The following GRIP1 variants were observed in gnomAD, a reference collection of about 807,000 sequenced individuals.
GRIP1 encodes glutamate receptor-interacting protein 1.
GRIP1 carries 45 observed loss-of-function variants against 129.9 expected under a neutral mutation model. That is an observed-to-expected ratio of 0.35 (90% CI 0.27 to 0.44). The LOEUF is 0.44. GRIP1 is among the 20% of genes least tolerant of loss of function. The probability of loss-of-function intolerance (pLI) is 1.00; values close to 1 mark genes in which losing one functional copy is unlikely to be tolerated. For synonymous variants in GRIP1, 530 were observed against 520.8 expected, an observed-to-expected ratio of 1.02 and a Z score of -0.24; for missense variants, 1,196 against 1,396.8, an observed-to-expected ratio of 0.86 and a Z score of 2.29.
upstream of GRIP1, among the ~76,000 whole-genome samples, chr12:66,679,784 A>G (rs1031753441): frequency 6.6e-6 from 1 of 152,218 alleles, no homozygotes; most frequent in African/African-American, 2.4e-5. Flanking sequence ...AATATACTTT[A>G]TTATACTATT....
chr12:66,883,143 T>G (rs1410480659), intron 1 of GRIP1, among the ~76,000 whole-genome samples: 1 of 152,120 alleles, frequency 6.6e-6, no homozygotes, highest in Non-Finnish European at 1.5e-5. Context: ...CAACTACCAG[T>G]TAATGTCTCT....
Position 66,392,860 on chromosome 12 carries a change from T to C in GRIP1, c.2130-44A>G, listed in dbSNP as rs1362349000. On this transcript the variant is annotated intron_variant, in intron 17 of 24. Coordinates refer to ENST00000359742, the MANE Select transcript of GRIP1 (RefSeq NM_001366722.1). The stretch of plus-strand genomic sequence containing the variant: ...ATAGGAGAGGTAGAAATAATCCCTG[T>C]ATGGTACTGAATATAAATTCCCTGA... The C allele has an allele frequency of 4.5e-6, 7 of 1,570,134 alleles. No individual in the cohort carries two copies. The East Asian group carries it at 1.6e-4, about 35-fold the overall frequency.
At chr12:66,943,311 G>A (rs1255342906) in intron 1 of GRIP1, among the ~76,000 whole-genome samples, 1 of 152,204 alleles carries the variant, frequency 6.6e-6, no homozygotes, top group Non-Finnish European at 1.5e-5. Context: ...GGGAAAGCTT[G>A]AGAAATTCCA....
At chr12:66,866,361 T>C (rs2137135822) in intron 1 of GRIP1, among the ~76,000 whole-genome samples, 1 of 152,230 alleles carries the variant, frequency 6.6e-6, no homozygotes, top group South Asian at 2.1e-4. Flanking sequence ...TAGTCCCACT[T>C]ACTTGGGAGG....
intron 1 of GRIP1, among the ~76,000 whole-genome samples, chr12:66,757,478 CTGA>C (rs1252459645): frequency 5.3e-5 from 8 of 152,162 alleles, no homozygotes; most frequent in Non-Finnish European, 1.0e-4. Flanking sequence ...CATTCATCTG[CTGA>C]TGAACAAAGG....
At chr12:66,361,018 G>A (rs2054732514) in intron 23 of GRIP1, among the ~76,000 whole-genome samples, 1 of 152,192 alleles carries the variant, frequency 6.6e-6, no homozygotes, top group African/African-American at 2.4e-5. Context: ...CACTGGGGTA[G>A]CCCCATTCCT....
At chr12:66,702,141 T>C (rs767800812) in intron 1 of GRIP1, among the ~76,000 whole-genome samples, 2 of 152,198 alleles carry the variant, frequency 1.3e-5, no homozygotes, top group Non-Finnish European at 2.9e-5. Flanking sequence ...CATTTTAATC[T>C]GTTTACACTA....
chr12:66,846,163 G>C (rs989797658), intron 1 of GRIP1, among the ~76,000 whole-genome samples: 1 of 152,122 alleles, frequency 6.6e-6, no homozygotes, highest in Admixed American at 6.6e-5. Flanking sequence ...ATTTTCACTT[G>C]CTAAGATTTT....
chr12:66,759,202 T>C (rs1293551228), intron 1 of GRIP1, among the ~76,000 whole-genome samples: 1 of 152,238 alleles, frequency 6.6e-6, no homozygotes, highest in Non-Finnish European at 1.5e-5. Context: ...TTTTGACTTC[T>C]GTGCACCCAC....
chr12:66,364,319 A>T (rs1002261332), intron 23 of GRIP1, among the ~76,000 whole-genome samples: 13 of 148,428 alleles, frequency 8.8e-5, no homozygotes, highest in Admixed American at 2.7e-4. Context: ...AAGAAATGAT[A>T]AGTGGTTGAG....
chr12:66,934,968 T>C (rs1292706941), intron 1 of GRIP1, among the ~76,000 whole-genome samples: 1 of 152,230 alleles, frequency 6.6e-6, no homozygotes, highest in Non-Finnish European at 1.5e-5. Flanking sequence ...TGACATCAAC[T>C]TTATCCTCAG....
intron 1 of GRIP1, among the ~76,000 whole-genome samples, chr12:66,953,078 C>A (rs1024742526): frequency 2.0e-5 from 3 of 151,996 alleles, no homozygotes; most frequent in Non-Finnish European, 2.9e-5. Context: ...AGAAATTGTA[C>A]CATATATACA....
chr12:66,467,006 T>A (rs1489735261), intron 7 of GRIP1, among the ~76,000 whole-genome samples: 1 of 152,146 alleles, frequency 6.6e-6, no homozygotes, highest in Non-Finnish European at 1.5e-5. Context: ...CTTATTAAAG[T>A]AAAGATGACA....
chr12:66,846,804 A>T (rs1042979322), intron 1 of GRIP1, among the ~76,000 whole-genome samples: 2 of 152,156 alleles, frequency 1.3e-5, no homozygotes, highest in Admixed American at 1.3e-4. Flanking sequence ...ATGTGGGGAA[A>T]CACCTGGGTC....
intron 23 of GRIP1, among the ~76,000 whole-genome samples, chr12:66,361,343 A>G (rs1197567569): frequency 6.6e-6 from 1 of 152,148 alleles, no homozygotes; most frequent in Non-Finnish European, 1.5e-5. Flanking sequence ...CAACAATGAG[A>G]GAATCAGTAG....
chr12:66,837,844 G>A (rs1434256824), intron 1 of GRIP1, among the ~76,000 whole-genome samples: 1 of 152,126 alleles, frequency 6.6e-6, no homozygotes, highest in African/African-American at 2.4e-5. Context: ...AAAGAGGAAG[G>A]TGTCAGGGAT....
At chr12:66,908,422 A>G (rs2040972293) in intron 1 of GRIP1, among the ~76,000 whole-genome samples, 1 of 152,210 alleles carries the variant, frequency 6.6e-6, no homozygotes, top group Non-Finnish European at 1.5e-5. Context: ...ACAGAGAGGT[A>G]AAAAAGGATA....
chr12:66,955,466 T>C (rs1460113281), intron 1 of GRIP1, among the ~76,000 whole-genome samples: 3 of 151,472 alleles, frequency 2.0e-5, no homozygotes, highest in African/African-American at 4.8e-5. Context: ...CTGAAACTTA[T>C]AAACAAAATA....
intron 1 of GRIP1, among the ~76,000 whole-genome samples, chr12:67,008,284 G>T (rs2042656675): frequency 6.6e-6 from 1 of 152,106 alleles, no homozygotes; most frequent in Admixed American, 6.6e-5. Flanking sequence ...AAAACTGAAA[G>T]AAAATATGCA....
Sources: gnomAD v4.1 joint callset for allele counts (sites outside exome capture counted in the v4.1 genomes callset) on GRCh38, gnomAD v4.1.1 for gene constraint, MANE v1.5 for transcripts, NCBI Gene and HGNC (gene_info 2026-07-23, HGNC 2026-07-21) for gene names.